Variants in GRM5 observed in about 807,000 individuals in gnomAD.
GRM5 encodes the protein metabotropic glutamate receptor 5.
Under a neutral mutation model 83.1 loss-of-function variants are expected in GRM5, and 19 were observed. That is an observed-to-expected ratio of 0.23 (90% confidence interval 0.16 to 0.34). GRM5 has a LOEUF of 0.34. Among genes scored for constraint, GRM5 ranks in the 10% least tolerant of loss-of-function variants. The pLI, the probability that GRM5 is intolerant of heterozygous loss-of-function variation, is 1.00. For missense variants in GRM5, 1,160 were observed against 1,588.3 expected (o/e 0.73, Z 4.58); for synonymous variants, 675 against 633.6 (o/e 1.07, Z -0.98).
chr11:88,946,143 C>T (rs922195660), intron 2 of GRM5, among the ~76,000 whole-genome samples: 6 of 151,994 alleles, frequency 3.9e-5, no homozygotes, highest in African/African-American at 1.4e-4. Context: ...AAATTATCAT[C>T]GCTAATCTTC....
At chr11:88,566,547 C>G (rs1348443689) in intron 8 of GRM5, among the ~76,000 whole-genome samples, 1 of 152,172 alleles carries the variant, frequency 6.6e-6, no homozygotes, top group African/African-American at 2.4e-5. Flanking sequence ...AATATAAATC[C>G]TACATTCTTG....
At chr11:88,541,562 G>C (rs4753106) in intron 8 of GRM5, among the ~76,000 whole-genome samples, 1 of 151,930 alleles carries the variant, frequency 6.6e-6, no homozygotes, top group Non-Finnish European at 1.5e-5. Flanking sequence ...TAGTTTGCCT[G>C]AGATGGGCAA....
At chr11:88,715,977 TTAGATGCAAGC>T (rs1941391198) in intron 3 of GRM5, among the ~76,000 whole-genome samples, 1 of 151,982 alleles carries the variant, frequency 6.6e-6, no homozygotes, top group Non-Finnish European at 1.5e-5. Context: ...AAACACTGAA[TTAGATGCAAGC>T]TAGAATCCCT....
At chr11:88,905,878 G>A (rs948763834) in intron 2 of GRM5, among the ~76,000 whole-genome samples, 5 of 152,084 alleles carry the variant, frequency 3.3e-5, no homozygotes, top group African/African-American at 1.2e-4. Flanking sequence ...GCAGTGGTGG[G>A]GGACAAGGAA....
At chr11:88,595,956 TTAACTC>T (rs1937790995) in intron 6 of GRM5, among the ~76,000 whole-genome samples, 1 of 152,224 alleles carries the variant, frequency 6.6e-6, no homozygotes, top group Non-Finnish European at 1.5e-5. Context: ...AGCTTCAACT[TTAACTC>T]TATTCAATCA....
chr11:88,561,952 C>T (rs971085980), intron 8 of GRM5, among the ~76,000 whole-genome samples: 1 of 152,042 alleles, frequency 6.6e-6, no homozygotes, highest in Non-Finnish European at 1.5e-5. Flanking sequence ...GATTCTTTCT[C>T]CATGATGAGA....
intron 3 of GRM5, among the ~76,000 whole-genome samples, chr11:88,835,985 C>T (rs1385630658): frequency 3.3e-5 from 5 of 152,264 alleles, no homozygotes; most frequent in South Asian, 4.1e-4. Flanking sequence ...CTCCAACCAA[C>T]ACTCCTAAGA....
chr11:88,753,468 T>C (rs971460776), intron 3 of GRM5, among the ~76,000 whole-genome samples: 1 of 152,048 alleles, frequency 6.6e-6, no homozygotes, highest in African/African-American at 2.4e-5. Context: ...GGCGAGATCG[T>C]TGGTAGAAAT....
chr11:88,516,501 G>A (rs547861525), intron 9 of GRM5, among the ~76,000 whole-genome samples: 1 of 152,168 alleles, frequency 6.6e-6, no homozygotes, highest in South Asian at 2.1e-4. Flanking sequence ...TAAGATAAAA[G>A]TTGTCCCAGG....
At chr11:88,720,939 A>ATAAT (rs1478934026) in intron 3 of GRM5, among the ~76,000 whole-genome samples, 2 of 151,950 alleles carry the variant, frequency 1.3e-5, no homozygotes, top group South Asian at 2.1e-4. Context: ...GTGTTTTTTC[A>ATAAT]TAATTTAAAA....
intron 3 of GRM5, among the ~76,000 whole-genome samples, chr11:88,822,845 G>A (rs1943825861): frequency 6.7e-6 from 1 of 150,192 alleles, no homozygotes; most frequent in African/African-American, 2.5e-5. Context: ...ATTTCTCTCT[G>A]GAAATTTGAG....
intron 2 of GRM5, among the ~76,000 whole-genome samples, chr11:88,861,534 C>T (rs543501188): frequency 7.9e-5 from 12 of 152,206 alleles, no homozygotes; most frequent in South Asian, 2.1e-4. Flanking sequence ...GGTACAATCA[C>T]GGCTCACTGC....
intron 3 of GRM5, among the ~76,000 whole-genome samples, chr11:88,732,371 TA>T (rs1013090493): frequency 6.6e-6 from 1 of 151,934 alleles, no homozygotes; most frequent in Non-Finnish European, 1.5e-5. Context: ...CATAAATATA[TA>T]AAACAAAAAA....
At chr11:89,054,461 T>A (rs1941829227) in intron 1 of GRM5, among the ~76,000 whole-genome samples, 2 of 152,202 alleles carry the variant, frequency 1.3e-5, no homozygotes, top group South Asian at 2.1e-4. Context: ...CAAGAAGAGA[T>A]CATTGAATGA....
At position 88,871,165 on chromosome 11, in the gene GRM5, A is replaced by T. The variant is rs377272070; in HGVS notation, c.662-21010T>A. ...GCTTTTATGCACATAATCTCAATGA[A>T]TGTTCAAAACAACCCAGTGAGACTG... On this transcript the variant is annotated intron_variant, in intron 2 of 9. Transcript: ENST00000305447. 5.0e-4 allele frequency among the ~76,000 whole-genome samples: 76 copies of T among 151,832 alleles called. 1 individual carries two copies. In the South Asian group the frequency reaches 0.015, roughly 30 times the overall value.
intron 3 of GRM5, among the ~76,000 whole-genome samples, chr11:88,824,007 A>G (rs11499680): frequency 0.025 from 3,869 of 152,214 alleles, 169 homozygotes; most frequent in African/African-American, 0.089. Flanking sequence ...AGCTTTTGGA[A>G]GGTTCTATAC....
intron 3 of GRM5, among the ~76,000 whole-genome samples, chr11:88,754,070 A>G (rs1942344078): frequency 6.6e-6 from 1 of 152,146 alleles, no homozygotes; most frequent in Admixed American, 6.6e-5. Context: ...AGAGAACCAA[A>G]CCATATCATA....
intron 3 of GRM5, among the ~76,000 whole-genome samples, chr11:88,671,688 T>C (rs1940197690): frequency 6.6e-6 from 1 of 152,092 alleles, no homozygotes; most frequent in South Asian, 2.1e-4. Flanking sequence ...AGATTATACA[T>C]ATTCCACTTA....
rs563144477 is a variant in GRM5 at position 88,888,822 on chromosome 11, T to G, written c.662-38667A>C. On this transcript the variant is annotated intron_variant, in intron 2 of 9. Transcript: ENST00000305447. ...TGGTTCTGTCCAAAGAAAAGTTACTTTAGGTTAGGATGCAGACCCAGGACC... is the reference window on the plus strand; with the variant it reads ...TGGTTCTGTCCAAAGAAAAGTTACTGTAGGTTAGGATGCAGACCCAGGACC... Among the ~76,000 whole-genome samples the G allele has an allele frequency of 2.0e-5, 3 of 152,262 alleles. No individual in the cohort carries two copies. The South Asian group carries it at 6.2e-4, about 32-fold the overall frequency.
Sources: allele counts gnomAD v4.1 joint callset (sites outside exome capture counted in the v4.1 genomes callset), GRCh38; gene constraint gnomAD v4.1.1; transcripts MANE v1.5; gene names NCBI Gene and HGNC (gene_info 2026-07-23, HGNC 2026-07-21).